MAGI2: variants seen among roughly 807,000 people sequenced by gnomAD.
MAGI2 encodes membrane-associated guanylate kinase, WW and PDZ domain-containing protein 2.
In MAGI2, 35 loss-of-function variants were observed where a neutral mutation model predicts 133.3. That is an observed-to-expected ratio of 0.26 (90% confidence interval 0.20 to 0.35). MAGI2 has a LOEUF of 0.35. Ranked by LOEUF, MAGI2 falls within the 10% of genes least tolerant of loss-of-function variation. MAGI2 has a pLI of 1.00. For synonymous variants in MAGI2, 729 were observed against 710.6 expected (o/e 1.03, Z -0.41); for missense variants, 1,636 against 1,863.4 (o/e 0.88, Z 2.25).
chr7:78,526,180 A>C (rs1288451411), intron 3 of MAGI2, among the ~76,000 whole-genome samples: 1 of 152,234 alleles, frequency 6.6e-6, no homozygotes, highest in African/African-American at 2.4e-5. Flanking sequence ...AAGAGAAAAA[A>C]ATGTGTGATG....
intron 2 of MAGI2, among the ~76,000 whole-genome samples, chr7:78,839,583 A>G (rs1362384143): frequency 6.6e-6 from 1 of 152,010 alleles, no homozygotes; most frequent in Non-Finnish European, 1.5e-5. Flanking sequence ...ACAAAAGGGG[A>G]AGCAGGCACC....
intron 2 of MAGI2, among the ~76,000 whole-genome samples, chr7:78,989,809 G>A (rs1431647173): frequency 2.6e-5 from 4 of 151,872 alleles, no homozygotes; most frequent in African/African-American, 7.3e-5. Flanking sequence ...CTTAGCTCAG[G>A]TTGCACTGAT....
intron 1 of MAGI2, among the ~76,000 whole-genome samples, chr7:79,108,553 A>T (rs1584947014): frequency 6.6e-6 from 1 of 152,384 alleles, no homozygotes; most frequent in East Asian, 1.9e-4. Context: ...AATACATACT[A>T]TCACTATGAA....
chr7:79,416,160 G>T (rs1203478176), intron 1 of MAGI2, among the ~76,000 whole-genome samples: 1 of 151,954 alleles, frequency 6.6e-6, no homozygotes, highest in Admixed American at 6.6e-5. Flanking sequence ...TCAATAACTG[G>T]TTACATCACC....
intron 20 of MAGI2, among the ~76,000 whole-genome samples, chr7:78,081,623 G>C (rs1249688563): frequency 6.6e-6 from 1 of 152,278 alleles, no homozygotes. Flanking sequence ...ATATGTAAAG[G>C]CTGCAAAGTT....
At chr7:78,636,919 T>C (rs1809724700) in intron 2 of MAGI2, among the ~76,000 whole-genome samples, 1 of 152,240 alleles carries the variant, frequency 6.6e-6, no homozygotes, top group African/African-American at 2.4e-5. Context: ...CCAGAGTCTC[T>C]GAGTCACCCT....
intron 10 of MAGI2, among the ~76,000 whole-genome samples, chr7:78,233,023 T>C (rs1790138874): frequency 1.3e-5 from 2 of 152,138 alleles, no homozygotes; most frequent in South Asian, 4.1e-4. Flanking sequence ...CGATGAGTCA[T>C]GTGAGATGAG....
At chr7:78,501,822 C>T in intron 4 of MAGI2, 35 bp from the exon 5 acceptor site, 1 of 1,520,056 alleles carries the variant, frequency 6.6e-7, no homozygotes, top group Non-Finnish European at 9.1e-7. Flanking sequence ...TTAGTCACTC[C>T]AACCATGGTA....
At chr7:78,318,814 T>C (rs1787696269) in intron 9 of MAGI2, among the ~76,000 whole-genome samples, 1 of 152,268 alleles carries the variant, frequency 6.6e-6, no homozygotes, top group East Asian at 1.9e-4. Flanking sequence ...GGGGCCGATA[T>C]TCAACATTCT....
At chr7:79,143,338 T>A (rs1033617307) in intron 1 of MAGI2, among the ~76,000 whole-genome samples, 1 of 152,208 alleles carries the variant, frequency 6.6e-6, no homozygotes, top group African/African-American at 2.4e-5. Context: ...AACTTGGCAA[T>A]ACTCTGTTTC....
chr7:78,640,995 T>C (rs1365735921), intron 2 of MAGI2, among the ~76,000 whole-genome samples: 5 of 152,252 alleles, frequency 3.3e-5, no homozygotes. Flanking sequence ...CATCCTGTTA[T>C]TGTGATGATG....
At chr7:79,227,103 A>G (rs1334065131) in intron 1 of MAGI2, among the ~76,000 whole-genome samples, 1 of 152,186 alleles carries the variant, frequency 6.6e-6, no homozygotes, top group Non-Finnish European at 1.5e-5. Flanking sequence ...CAGGGTTCAA[A>G]TGCAAGCTGG....
At chr7:79,315,746 G>A (rs116300799) in intron 1 of MAGI2, among the ~76,000 whole-genome samples, 1 of 152,092 alleles carries the variant, frequency 6.6e-6, no homozygotes, top group African/African-American at 2.4e-5. Context: ...CAGTAACTCT[G>A]GGCAAAAGCA....
chr7:79,349,853 C>T (rs1289511491), intron 1 of MAGI2, among the ~76,000 whole-genome samples: 1 of 152,038 alleles, frequency 6.6e-6, no homozygotes, highest in Non-Finnish European at 1.5e-5. Context: ...CACTTACCCT[C>T]TCTGTGACCT....
intron 3 of MAGI2, among the ~76,000 whole-genome samples, chr7:78,607,932 G>A (rs1371826983): frequency 2.0e-5 from 3 of 152,118 alleles, no homozygotes; most frequent in Non-Finnish European, 4.4e-5. Flanking sequence ...CTTTTAGACA[G>A]GAACCTCTCA....
intron 2 of MAGI2, among the ~76,000 whole-genome samples, chr7:78,863,294 T>C (rs546285746): frequency 6.6e-6 from 1 of 152,198 alleles, no homozygotes. Context: ...GGGTGACTTG[T>C]AGAGGAGTTT....
At chr7:78,748,263 G>C (rs1006734090) in intron 2 of MAGI2, among the ~76,000 whole-genome samples, 2 of 152,144 alleles carry the variant, frequency 1.3e-5, no homozygotes, top group Non-Finnish European at 2.9e-5. Flanking sequence ...ATATAGAACA[G>C]AGGGAGCCAT....
At chr7:79,069,317 C>T (rs930838721) in intron 1 of MAGI2, among the ~76,000 whole-genome samples, 40 of 152,240 alleles carry the variant, frequency 2.6e-4, no homozygotes, top group African/African-American at 9.4e-4. Context: ...GGACAGTTAG[C>T]TCTTCTTGTT....
intron 16 of MAGI2, among the ~76,000 whole-genome samples, chr7:78,138,797 T>C (rs919259919): frequency 2.6e-5 from 4 of 152,218 alleles, no homozygotes; most frequent in African/African-American, 9.6e-5. Context: ...ATAATAATCA[T>C]GCTAATTTCA....
Sources: allele counts gnomAD v4.1 joint callset (sites outside exome capture counted in the v4.1 genomes callset), GRCh38; gene constraint gnomAD v4.1.1; transcripts MANE v1.5; gene names NCBI Gene and HGNC (gene_info 2026-07-23, HGNC 2026-07-21).